Variants in USP34 observed in about 807,000 individuals in gnomAD.
USP34 encodes the protein ubiquitin carboxyl-terminal hydrolase 34.
Under a neutral mutation model 460.3 loss-of-function variants are expected in USP34, and 70 were observed. That is an observed-to-expected ratio of 0.15 (90% CI 0.13 to 0.19). The LOEUF (loss-of-function observed/expected upper bound fraction) is 0.19. USP34 is among the 10% of genes least tolerant of loss of function. The probability of loss-of-function intolerance (pLI) is 1.00; values close to 1 mark genes in which losing one functional copy is unlikely to be tolerated. For synonymous variants in USP34, 1,647 were observed against 1,405.3 expected, an observed-to-expected ratio of 1.17 and a Z score of -3.85; for missense variants, 3,985 against 4,236.2, an observed-to-expected ratio of 0.94 and a Z score of 1.65.
intron 75 of USP34, chr2:61,194,086 A>AATTTG: frequency 2.0e-6 from 2 of 985,304 alleles, no homozygotes; most frequent in Non-Finnish European, 2.4e-6. Flanking sequence ...TGTGGGTTGT[A>AATTTG]ATTTGCCAAA....
At chr2:61,280,435 T>G (rs1689499879) in intron 38 of USP34, 87 bp from the exon 39 acceptor site, 1 of 592,592 alleles carries the variant, frequency 1.7e-6, no homozygotes, top group Admixed American at 4.0e-5. Context: ...CTTTATGAAA[T>G]AAATTCCTAT....
Position 61,339,689 on chromosome 2 carries a change from G to T in USP34, c.2501-8C>A, listed in dbSNP as rs878957953. The stretch of plus-strand genomic sequence containing the variant: ...GTTTATGAACTACAGGTCCTGAAGA[G>T]AAAAAAAAAAAAAAGACACACTATA... On this transcript the variant is annotated splice_polypyrimidine_tract_variant and splice_region_variant and intron_variant, in intron 16 of 79. Coordinates refer to ENST00000398571, the MANE Select transcript of USP34 (RefSeq NM_014709.4). 228 of 1,001,442 alleles carry T rather than the reference G, an allele frequency of 2.3e-4. No individual in the cohort carries two copies. Among genetic ancestry groups the T allele is most frequent in the Middle Eastern group, 8.8e-4 (3 of 3,402 alleles). The allele number at this position is 1,001,442 out of a possible 1,614,324, so 62.0% of individuals were successfully genotyped here.
intron 48 of USP34, among the ~76,000 whole-genome samples, chr2:61,251,906 G>A (rs1688594022): frequency 6.6e-6 from 1 of 151,470 alleles, no homozygotes; most frequent in Non-Finnish European, 1.5e-5. Context: ...ATACGTGACT[G>A]TGCATTTGTT....
rs555707312 is a variant in USP34, at chr2:61,445,623, T to C, written c.44-24790A>G. Among the ~76,000 whole-genome samples, 158 of 149,526 alleles carry C rather than the reference T, an allele frequency of 1.1e-3. 2 individuals are homozygous for C. In the South Asian group the frequency reaches 0.032, roughly 30 times the overall value. ...AAAGAAGAGCAACAGAAAGAGTAAATGTGGGTAAATCTAAATTAACATAAA... is the reference window on the plus strand; with the variant it reads ...AAAGAAGAGCAACAGAAAGAGTAAACGTGGGTAAATCTAAATTAACATAAA... On this transcript the variant is annotated intron_variant, in intron 1 of 79. Transcript: ENST00000398571.
At chr2:61,235,330 T>C (rs1034053328) in intron 57 of USP34, among the ~76,000 whole-genome samples, 12 of 154 alleles carry the variant, frequency 0.078, 1 homozygote, top group Admixed American at 0.36. Context: ...TTTTTTTTCT[T>C]TTTTTTTTTT....
At chr2:61,189,123 A>G in intron 78 of USP34, 54 bp from the exon 79 acceptor site, 1 of 1,545,566 alleles carries the variant, frequency 6.5e-7, no homozygotes. Flanking sequence ...ACTTTGATGC[A>G]GTTGTTTACA....
chr2:61,264,736 A>C (rs1452172797), intron 43 of USP34, among the ~76,000 whole-genome samples: 3 of 152,210 alleles, frequency 2.0e-5, no homozygotes, highest in Admixed American at 1.3e-4. Context: ...AAAATAGCCC[A>C]TAGTTGGCCG....
intron 1 of USP34, among the ~76,000 whole-genome samples, chr2:61,468,375 G>A (rs1433335100): frequency 1.3e-5 from 2 of 152,154 alleles, no homozygotes; most frequent in East Asian, 1.9e-4. Context: ...TAGAGACGGG[G>A]TTTCTCCATG....
intron 16 of USP34, among the ~76,000 whole-genome samples, 159 bp from the exon 17 acceptor site, chr2:61,339,840 G>GA (rs1553372827): frequency 5.6e-5 from 8 of 144,112 alleles, no homozygotes; most frequent in African/African-American, 2.0e-4. Context: ...TTTTGTTTTT[G>GA]TTTTTTTTTT....
chr2:61,373,945 A>C (rs1692711831), intron 8 of USP34, among the ~76,000 whole-genome samples: 1 of 152,138 alleles, frequency 6.6e-6, no homozygotes, highest in Non-Finnish European at 1.5e-5. Context: ...GCTTGAGGTC[A>C]GGAGCTTAAG....
At chr2:61,310,480 A>G (rs1690551533) in intron 27 of USP34, among the ~76,000 whole-genome samples, 1 of 151,958 alleles carries the variant, frequency 6.6e-6, no homozygotes, top group Non-Finnish European at 1.5e-5. Context: ...CCCTACAAGC[A>G]AACAGAACAG....
intron 41 of USP34, among the ~76,000 whole-genome samples, chr2:61,277,254 T>G (rs867232683): frequency 5.1e-5 from 7 of 138,560 alleles, no homozygotes; most frequent in South Asian, 2.3e-4. Flanking sequence ...TTTTTTTTTT[T>G]GAGACACGTT....
rs1695942733 is a variant in USP34 at position 61,470,945 on chromosome 2, CGGCGGG to C, written c.-259_-254del. On this transcript the variant is annotated 5_prime_UTR_variant, in exon 1 of 80. Transcript: ENST00000398571. ...GGCCGGAGGGGCGCCGAGGCGCCGG[CGGCGGG>C]GAAGGGGGGGAAGGACGGGGGGAGG... 1.4e-5 allele frequency among the ~76,000 whole-genome samples: 1 copy of C among 72,980 alleles called. No individual in the cohort carries two copies. Among genetic ancestry groups the C allele is most frequent in the African/African-American group, 5.5e-5 (1 of 18,038 alleles). 47.9% of individuals were successfully genotyped at this position (72,980 alleles called of 152,430 possible). A position where few individuals can be genotyped will look rare whatever the true frequency, so the allele number is the denominator to read the frequency against.
intron 27 of USP34, among the ~76,000 whole-genome samples, chr2:61,310,769 G>A (rs537704538): frequency 1.3e-5 from 2 of 151,836 alleles, no homozygotes; most frequent in East Asian, 1.9e-4. Context: ...ACGAAGGTGT[G>A]TTATTTTTAT....
intron 51 of USP34, among the ~76,000 whole-genome samples, chr2:61,243,597 A>G (rs1374591635): frequency 1.4e-5 from 2 of 147,486 alleles, no homozygotes; most frequent in Non-Finnish European, 3.0e-5. Flanking sequence ...CATTCGGCTG[A>G]GTACGGTGGC....
intron 6 of USP34, among the ~76,000 whole-genome samples, chr2:61,382,642 A>G (rs539612098): frequency 3.9e-5 from 6 of 152,376 alleles, no homozygotes; most frequent in African/African-American, 1.4e-4. Flanking sequence ...CAATACTGTC[A>G]TAAATGTTAT....
chr2:61,469,754 T>C (rs1695891853), intron 1 of USP34, among the ~76,000 whole-genome samples: 1 of 152,362 alleles, frequency 6.6e-6, no homozygotes, highest in East Asian at 1.9e-4. Flanking sequence ...TTTTGTAAAT[T>C]GATCCCTTCA....
intron 44 of USP34, among the ~76,000 whole-genome samples, chr2:61,257,674 G>T (rs918306602): frequency 2.0e-5 from 3 of 151,520 alleles, no homozygotes; most frequent in African/African-American, 4.9e-5. Flanking sequence ...CGAAGCAGGC[G>T]GATTATGAGG....
chr2:61,363,247 G>T (rs999136710), intron 10 of USP34, among the ~76,000 whole-genome samples: 5 of 152,100 alleles, frequency 3.3e-5, no homozygotes, highest in Non-Finnish European at 5.9e-5. Context: ...AGAACCCTCT[G>T]GTATCACTGG....
Sources: allele counts gnomAD v4.1 joint callset (sites outside exome capture counted in the v4.1 genomes callset), GRCh38; gene constraint gnomAD v4.1.1; transcripts MANE v1.5; gene names NCBI Gene and HGNC (gene_info 2026-07-23, HGNC 2026-07-21).